Variants in TPRG1 observed in about 807,000 individuals in gnomAD.
TPRG1 encodes tumor protein p63 regulated 1.
Under a neutral mutation model 29.3 loss-of-function variants are expected in TPRG1, and 29 were observed. The observed-to-expected ratio is 0.99, with a 90% confidence interval of 0.74 to 1.35. The LOEUF is 1.35. TPRG1 is among the 40% of genes most tolerant of loss of function. The pLI is 0.00. For synonymous variants in TPRG1, 130 were observed against 116.8 expected (o/e 1.11, Z -0.73); for missense variants, 327 against 335.0 (o/e 0.98, Z 0.19).
intron 4 of TPRG1, among the ~76,000 whole-genome samples, chr3:189,290,026 A>G (rs939760602): frequency 6.6e-6 from 1 of 152,148 alleles, no homozygotes; most frequent in South Asian, 2.1e-4. Flanking sequence ...AAACATAATT[A>G]TATGGTTTTA....
chr3:189,296,424 A>G (rs921587852), intron 4 of TPRG1, among the ~76,000 whole-genome samples: 2 of 152,246 alleles, frequency 1.3e-5, no homozygotes, highest in African/African-American at 4.8e-5. Flanking sequence ...GCTAAATTGC[A>G]AATATACAGA....
intron 3 of TPRG1, among the ~76,000 whole-genome samples, chr3:189,234,825 G>A (rs1217393144): frequency 6.6e-6 from 1 of 152,198 alleles, no homozygotes; most frequent in Non-Finnish European, 1.5e-5. Flanking sequence ...TCCAAGGTAA[G>A]TACCATAAGT....
intron 3 of TPRG1, among the ~76,000 whole-genome samples, chr3:189,224,932 T>TA (rs1491142654): frequency 8.9e-5 from 5 of 56,482 alleles, no homozygotes; most frequent in Non-Finnish European, 2.0e-4. Flanking sequence ...TTCCTTTTTC[T>TA]TTTTTTTTTT....
intron 1 of TPRG1, among the ~76,000 whole-genome samples, chr3:189,184,947 C>T (rs996327565): frequency 6.6e-6 from 1 of 152,128 alleles, no homozygotes; most frequent in African/African-American, 2.4e-5. Flanking sequence ...CTTACCTTGG[C>T]GTGCGTGTAT....
At chr3:189,166,229 T>C (rs905071626) in intron 5 of TPRG1, among the ~76,000 whole-genome samples, 1 of 152,232 alleles carries the variant, frequency 6.6e-6, no homozygotes, top group African/African-American at 2.4e-5. Context: ...ATGAGTGCCA[T>C]AGGATCTTCC....
At chr3:189,001,747 T>C (rs1286333214) in intron 2 of TPRG1, among the ~76,000 whole-genome samples, 1 of 151,914 alleles carries the variant, frequency 6.6e-6, no homozygotes, top group Non-Finnish European at 1.5e-5. Context: ...ATGGAAGTCA[T>C]GGAAGTGAGT....
At chr3:189,072,683 A>AT (rs935114773) in intron 4 of TPRG1, among the ~76,000 whole-genome samples, 3 of 151,978 alleles carry the variant, frequency 2.0e-5, no homozygotes, top group African/African-American at 7.2e-5. Flanking sequence ...TTTTGCAAGT[A>AT]TTTTTTATAA....
chr3:189,154,663 A>G (rs553893836), intron 5 of TPRG1, among the ~76,000 whole-genome samples: 51 of 151,842 alleles, frequency 3.4e-4, no homozygotes, highest in African/African-American at 1.2e-3. Flanking sequence ...GGCTGCTCTC[A>G]AACTCCTGAC....
chr3:189,095,465 A>G (rs1043745902), upstream of TPRG1, among the ~76,000 whole-genome samples: 4 of 152,310 alleles, frequency 2.6e-5, no homozygotes, highest in Admixed American at 2.6e-4. Flanking sequence ...ATAGCCAAAC[A>G]AGACAGAGTC....
intron 3 of TPRG1, among the ~76,000 whole-genome samples, chr3:189,020,209 G>A (rs1016923940): frequency 1.3e-5 from 2 of 149,584 alleles, no homozygotes; most frequent in Non-Finnish European, 3.0e-5. Context: ...TTTTTTGAAG[G>A]GTTTTTTGTG....
chr3:189,132,046 G>A (rs1723164215), intron 2 of TPRG1, among the ~76,000 whole-genome samples: 1 of 152,068 alleles, frequency 6.6e-6, no homozygotes, highest in African/African-American at 2.4e-5. Flanking sequence ...CATCTCCATG[G>A]TTCTCTCTGG....
At chr3:189,223,094 A>G (rs1279488003) in intron 3 of TPRG1, among the ~76,000 whole-genome samples, 1 of 152,164 alleles carries the variant, frequency 6.6e-6, no homozygotes, top group Admixed American at 6.6e-5. Flanking sequence ...TGAGTCACTT[A>G]TATTCAGCAA....
intron 4 of TPRG1, among the ~76,000 whole-genome samples, chr3:189,307,403 A>G (rs921635910): frequency 2.0e-5 from 3 of 152,182 alleles, no homozygotes; most frequent in East Asian, 3.8e-4. Flanking sequence ...TTATTTTCCT[A>G]TAGTCTCAAA....
At chr3:189,269,088 G>C (rs1037129017) in intron 4 of TPRG1, among the ~76,000 whole-genome samples, 5 of 151,142 alleles carry the variant, frequency 3.3e-5, no homozygotes, top group Non-Finnish European at 5.9e-5. Flanking sequence ...TTAACATCCT[G>C]AGGTTTTTTT....
intron 4 of TPRG1, among the ~76,000 whole-genome samples, chr3:189,280,351 A>G (rs1338869941): frequency 7.4e-6 from 1 of 135,850 alleles, no homozygotes; most frequent in Non-Finnish European, 1.6e-5. Context: ...ATGACGAACT[A>G]GGACTTACTG....
chr3:189,157,803 G>C (rs999252463), intron 5 of TPRG1, among the ~76,000 whole-genome samples: 4 of 152,134 alleles, frequency 2.6e-5, no homozygotes, highest in African/African-American at 9.7e-5. Flanking sequence ...GTTGGGACCT[G>C]TAGGACCCAT....
upstream of TPRG1, among the ~76,000 whole-genome samples, chr3:189,169,257 TG>T (rs550464250): frequency 7.1e-4 from 108 of 152,296 alleles, no homozygotes; most frequent in African/African-American, 2.5e-3. Flanking sequence ...CTCCGCCTCC[TG>T]GGCTTAAGCG....
At chr3:189,300,239 T>G (rs1219898128) in intron 4 of TPRG1, among the ~76,000 whole-genome samples, 1 of 152,228 alleles carries the variant, frequency 6.6e-6, no homozygotes, top group Non-Finnish European at 1.5e-5. Context: ...TACTACTTAA[T>G]GTCTTTAGAC....
intron 3 of TPRG1, among the ~76,000 whole-genome samples, chr3:189,008,724 GCA>G (rs1712440807): frequency 2.6e-5 from 4 of 152,192 alleles, no homozygotes; most frequent in Admixed American, 2.0e-4. Flanking sequence ...CATGCTCCAT[GCA>G]CAATAGATTT....
Sources: allele counts gnomAD v4.1 joint callset (sites outside exome capture counted in the v4.1 genomes callset), GRCh38; gene constraint gnomAD v4.1.1; transcripts MANE v1.5; gene names NCBI Gene and HGNC (gene_info 2026-07-23, HGNC 2026-07-21).